USP9X: variants seen among roughly 807,000 people sequenced by gnomAD.
The protein encoded by USP9X is ubiquitin specific peptidase 9 X-linked, also known as ubiquitin carboxyl-terminal hydrolase 9X.
In USP9X, 7 loss-of-function variants were observed where a neutral mutation model predicts 190.3. The observed-to-expected ratio is 0.04, with a 90% CI of 0.02 to 0.07. USP9X has a LOEUF of 0.07. Among genes scored for constraint, USP9X ranks in the 10% least tolerant of loss-of-function variants. USP9X has a pLI of 1.00. For synonymous variants in USP9X, 645 were observed against 659.5 expected, an observed-to-expected ratio of 0.98 and a Z score of 0.34; for missense variants, 1,010 against 1,916.9, an observed-to-expected ratio of 0.53 and a Z score of 8.83.
chrX:41,088,615 C>T (rs1165948182), intron 1 of USP9X, among the ~76,000 whole-genome samples: 1 of 112,031 alleles, frequency 8.9e-6, no homozygotes, highest in Non-Finnish European at 1.9e-5. Flanking sequence ...TAGTGTTCTT[C>T]TAAGTCTTTT....
intron 11 of USP9X, among the ~76,000 whole-genome samples, chrX:41,145,280 A>G (rs1166280474): frequency 8.9e-6 from 1 of 112,016 alleles, no homozygotes; most frequent in Non-Finnish European, 1.9e-5. Context: ...GGGAACATAA[A>G]TTGCTATAGC....
intron 24 of USP9X, 55 bp downstream of exon 24, chrX:41,186,697 T>A (rs185403033): frequency 5.2e-6 from 6 of 1,150,121 alleles, no homozygotes; most frequent in African/African-American, 1.8e-5. Context: ...CCCACTTATT[T>A]TAATCACTGT....
At position 41,224,743 on chromosome X, in the gene USP9X, T is replaced by C; in HGVS notation, c.6753T>C (p.Gly2251=). The change falls in exon 40 of 45, where the codon GGT becomes GGC. Residue 2251 remains glycine (G), a splice_region_variant and synonymous_variant. Transcript: ENST00000378308. ...VSSRMQSSIN[G]NPPLPNPFGD... The stretch of plus-strand genomic sequence containing the variant: ...ATTGGTGACAAATCTGTATTCTAGG[T>C]AATCCTCCTCTTCCCAATCCTTTTG... 8.3e-7 allele frequency: 1 copy of C among 1,205,006 alleles called. No homozygotes were observed.
intron 1 of USP9X, among the ~76,000 whole-genome samples, chrX:41,109,492 A>G (rs2062093299): frequency 8.9e-6 from 1 of 112,401 alleles, no homozygotes; most frequent in Non-Finnish European, 1.9e-5. Flanking sequence ...CTAAAAGAAT[A>G]CATTTCTGCT....
At chrX:41,129,360 C>T (rs1485782086) in intron 3 of USP9X, among the ~76,000 whole-genome samples, 1 of 112,024 alleles carries the variant, frequency 8.9e-6, no homozygotes, top group Non-Finnish European at 1.9e-5. Flanking sequence ...ATTGTATGTT[C>T]AGTTTCCCTC....
At position 41,136,797 on chromosome X, in the gene USP9X, A is replaced by C. The variant is rs773752771; in HGVS notation, c.436-7A>C. 1 of 1,195,974 alleles carries C rather than the reference A, an allele frequency of 8.4e-7. No homozygotes were observed. The highest frequency in any genetic ancestry group is 3.0e-5 in the East Asian group (1 of 33,744). ...CTTGTAAATCGCCTTTCCCCCTTGT[A>C]TAACAGAGGTGTATTATTAACAATA... is the stretch of plus-strand genomic sequence containing the variant. On this transcript the variant is annotated splice_polypyrimidine_tract_variant and splice_region_variant and intron_variant, in intron 5 of 44. Coordinates refer to ENST00000378308, the MANE Select transcript of USP9X (RefSeq NM_001039591.3).
At chrX:41,116,521 G>T (rs2062148516) in intron 1 of USP9X, among the ~76,000 whole-genome samples, 1 of 111,994 alleles carries the variant, frequency 8.9e-6, no homozygotes, top group Non-Finnish European at 1.9e-5. Flanking sequence ...CACCACTTGA[G>T]TATTGAATAG....
chrX:41,167,698 T>G, intron 17 of USP9X, 121 bp downstream of exon 17: 1 of 496,815 alleles, frequency 2.0e-6, no homozygotes. Context: ...TTGAAGTGAT[T>G]GGGTTATTTT....
chrX:41,131,314 C>T (rs2062314112), intron 3 of USP9X, 143 bp from the exon 4 acceptor site: 4 of 427,449 alleles, frequency 9.4e-6, no homozygotes, highest in Non-Finnish European at 1.1e-5. Flanking sequence ...GATAATCTGC[C>T]AACCTTGTCT....
At chrX:41,115,000 A>G (rs2062136502) in intron 1 of USP9X, among the ~76,000 whole-genome samples, 1 of 108,515 alleles carries the variant, frequency 9.2e-6, no homozygotes, top group Non-Finnish European at 1.9e-5. Context: ...AGGCGGGTGG[A>G]TCACGAGGTC....
chrX:41,219,057 A>G (rs779292320), intron 37 of USP9X, 45 bp from the exon 38 acceptor site: 4 of 1,181,142 alleles, frequency 3.4e-6, no homozygotes, highest in Non-Finnish European at 4.6e-6. Context: ...AGAAGTATAC[A>G]TATACCTTGT....
At chrX:41,197,298 A>T in intron 28 of USP9X, 66 bp from the exon 29 acceptor site, 43 of 681,872 alleles carry the variant, frequency 6.3e-5, no homozygotes, top group Non-Finnish European at 8.2e-5. Flanking sequence ...CTCCCTCTTT[A>T]CCTCCCTTTC....
rs2063149227 is a variant in USP9X at position 41,210,654 on chromosome X, C to G, written c.5161C>G (p.Gln1721Glu). The G allele has an allele frequency of 1.7e-6, 2 of 1,210,565 alleles. No homozygotes were observed. The highest frequency in any genetic ancestry group is 3.5e-5 in the South Asian group (2 of 56,885). The change falls in exon 33 of 45, where the codon CAG becomes GAG. Residue 1721 changes from glutamine to glutamate, a missense_variant. Physicochemically the swap from Gln to Glu is conservative, Grantham distance 29 (BLOSUM62 2). Coordinates refer to ENST00000378308, the MANE Select transcript of USP9X (RefSeq NM_001039591.3). ...AGTCTTAGGAGGTTCCTTTGCTGAT[C>G]AGAAGATCTGCCAAGGCTGCCCACA... Reference protein sequence around the residue: ...SKVLGGSFADQKICQGCPHRY... With the variant: ...SKVLGGSFADEKICQGCPHRY...
At chrX:41,204,067 C>G (rs2063068773) in intron 31 of USP9X, among the ~76,000 whole-genome samples, 1 of 111,735 alleles carries the variant, frequency 8.9e-6, no homozygotes, top group South Asian at 3.7e-4. Flanking sequence ...TGCACAAGAG[C>G]TCCAATTTCT....
At chrX:41,163,881 TTATC>T (rs1359153340) in intron 15 of USP9X, among the ~76,000 whole-genome samples, 1 of 109,629 alleles carries the variant, frequency 9.1e-6, no homozygotes, top group Non-Finnish European at 1.9e-5. Flanking sequence ...TTTTATTTAT[TTATC>T]TTATTTTTTT....
chrX:41,200,993 C>T, intron 30 of USP9X, 67 bp from the exon 31 acceptor site: 1 of 1,092,939 alleles, frequency 9.1e-7, no homozygotes, highest in African/African-American at 1.8e-5. Context: ...GTTGCTTTGT[C>T]AGCATAATAG....
chrX:41,217,223 A>C lies in USP9X; in HGVS notation c.6089A>C (p.Gln2030Pro). 1 of 1,200,950 alleles carries C rather than the reference A, an allele frequency of 8.3e-7. No individual in the cohort carries two copies. Among genetic ancestry groups the C allele is most frequent in the Non-Finnish European group, 1.1e-6 (1 of 891,560 alleles). The change falls in exon 36 of 45, where the codon CAA (glutamine) becomes CCA (proline). Residue 2030 changes from glutamine (Q) to proline (P), a missense_variant. Physicochemically the swap from Gln to Pro is moderately conservative, Grantham distance 76. Transcript: ENST00000378308. ...TATATCTGCATTTTATTTATAGGGC[A>C]AGATCACCTGTTGCCTGAAGCAGAA... ...NGVYLNPPPG[Q>P]DHLLPEAEEI...
intron 26 of USP9X, among the ~76,000 whole-genome samples, chrX:41,195,362 A>C (rs900983055): frequency 9.0e-6 from 1 of 111,259 alleles, no homozygotes; most frequent in Non-Finnish European, 1.9e-5. Context: ...AGTGCACATC[A>C]GATTGACCTA....
At chrX:41,188,566 A>G (rs1280905558) in intron 25 of USP9X, among the ~76,000 whole-genome samples, 2 of 112,190 alleles carry the variant, frequency 1.8e-5, no homozygotes, top group Non-Finnish European at 3.8e-5. Context: ...AATTATCTAC[A>G]GAAGAGAAGC....
Sources: allele counts gnomAD v4.1 joint callset (sites outside exome capture counted in the v4.1 genomes callset), GRCh38; gene constraint gnomAD v4.1.1; transcripts MANE v1.5; gene names NCBI Gene and HGNC (gene_info 2026-07-23, HGNC 2026-07-21).